Variants in TAFA5 observed in about 807,000 individuals in gnomAD.
TAFA5 encodes the protein chemokine-like protein TAFA-5.
TAFA5 carries 6 observed loss-of-function variants against 15.3 expected under a neutral mutation model. The observed-to-expected ratio is 0.39, with a 90% CI of 0.21 to 0.77. The LOEUF (loss-of-function observed/expected upper bound fraction) is 0.77. Ranked by LOEUF, TAFA5 falls within the 30% of genes least tolerant of loss-of-function variation. The pLI is 0.41. For missense variants in TAFA5, 161 were observed against 193.1 expected (o/e 0.83, Z 0.98); for synonymous variants, 103 against 80.7 (o/e 1.28, Z -1.48).
intron 3 of TAFA5, among the ~76,000 whole-genome samples, chr22:48,723,615 TC>T: frequency 6.6e-6 from 1 of 152,202 alleles, no homozygotes; most frequent in Non-Finnish European, 1.5e-5. Context: ...GATCCCACCA[TC>T]CTCCCCCTGC....
intron 1 of TAFA5, among the ~76,000 whole-genome samples, chr22:48,582,166 C>T (rs553878326): frequency 2.6e-5 from 4 of 152,142 alleles, no homozygotes; most frequent in Admixed American, 2.6e-4. Flanking sequence ...CAGAGACACG[C>T]ACTGCGGTGC....
chr22:48,719,481 A>G (rs1929503863), intron 3 of TAFA5, among the ~76,000 whole-genome samples: 1 of 152,224 alleles, frequency 6.6e-6, no homozygotes, highest in African/African-American at 2.4e-5. Context: ...ACTGCCCAGA[A>G]GGATCGTGAA....
intron 2 of TAFA5, among the ~76,000 whole-genome samples, chr22:48,706,002 G>A (rs1373766437): frequency 6.6e-6 from 1 of 152,268 alleles, no homozygotes; most frequent in Non-Finnish European, 1.5e-5. Context: ...GAAGCCAAGG[G>A]CTCTGGAGCT....
At chr22:48,646,783 G>A (rs781411737) in intron 2 of TAFA5, 37 bp downstream of exon 2, 277 of 1,533,576 alleles carry the variant, frequency 1.8e-4, no homozygotes, top group Middle Eastern at 1.9e-4. Flanking sequence ...TCCGGGTGCT[G>A]AGCGCGGCGT....
chr22:48,683,459 G>A (rs1428327346), intron 2 of TAFA5, among the ~76,000 whole-genome samples: 3 of 152,166 alleles, frequency 2.0e-5, no homozygotes, highest in African/African-American at 7.2e-5. Flanking sequence ...GGTGCTGTTT[G>A]CACCCTTCTC....
intron 1 of TAFA5, among the ~76,000 whole-genome samples, chr22:48,536,621 A>C (rs764882533): frequency 2.6e-5 from 4 of 152,352 alleles, no homozygotes; most frequent in Middle Eastern, 3.4e-3. Flanking sequence ...CCGCCTGAAG[A>C]ATTTTTAACT....
intron 2 of TAFA5, among the ~76,000 whole-genome samples, chr22:48,675,235 A>G (rs1160540981): frequency 2.0e-5 from 3 of 152,220 alleles, no homozygotes; most frequent in Admixed American, 6.5e-5. Context: ...AAGTTTGCCA[A>G]TGACCTGCCA....
rs1380342602 is a variant in TAFA5 at position 48,598,508 on chromosome 22, G to A, written c.113-48089G>A. Among the ~76,000 whole-genome samples the A allele has an allele frequency of 6.6e-6, 1 of 152,070 alleles. No individual in the cohort carries two copies. Among genetic ancestry groups the A allele is most frequent in the African/African-American group, 2.4e-5 (1 of 41,410 alleles). On this transcript the variant is annotated intron_variant, in intron 1 of 3. Transcript: ENST00000402357. This position sits in a 1 kb window ranked among gnomAD's most constrained non-coding sequence, Gnocchi z 4.0. ...CCTGGTGCCACCTCCTGGGAGAGTG[G>A]CCATTTCGTGGGCCCAGCAGTGGCT... is the stretch of plus-strand genomic sequence containing the variant.
chr22:48,616,618 G>T (rs1416686163), intron 1 of TAFA5, among the ~76,000 whole-genome samples: 4 of 152,234 alleles, frequency 2.6e-5, no homozygotes, highest in Non-Finnish European at 5.9e-5. Context: ...GGAAACCAGG[G>T]AGTGGCCTCG....
chr22:48,569,698 TG>T (rs1923518904), intron 1 of TAFA5, among the ~76,000 whole-genome samples: 1 of 152,198 alleles, frequency 6.6e-6, no homozygotes, highest in Non-Finnish European at 1.5e-5. Context: ...CAAGTGGTCA[TG>T]GAAGTGCATG....
intron 1 of TAFA5, among the ~76,000 whole-genome samples, chr22:48,613,076 T>C (rs1011664412): frequency 1.3e-5 from 2 of 152,206 alleles, no homozygotes; most frequent in Non-Finnish European, 2.9e-5. Flanking sequence ...CTTGGCTCTG[T>C]GGTGCAGCCC....
At chr22:48,748,931 T>C (rs1224404589) in intron 3 of TAFA5, among the ~76,000 whole-genome samples, 1 of 152,054 alleles carries the variant, frequency 6.6e-6, no homozygotes, top group African/African-American at 2.4e-5. Flanking sequence ...CAGGGTCCCA[T>C]GATGAGTTTC....
Position 48,512,659 on chromosome 22 carries a change from G to A in TAFA5, c.112+22955G>A, listed in dbSNP as rs544255410. On this transcript the variant is annotated intron_variant, in intron 1 of 3. Coordinates refer to ENST00000402357, the MANE Select transcript of TAFA5 (RefSeq NM_001082967.3). Reference sequence around the variant, plus strand: ...GAGACGGCCGGGCGCGGTGGCTCATGCCTGTAATCCTAGCACTTTGGGAGG... The same window carrying A: ...GAGACGGCCGGGCGCGGTGGCTCATACCTGTAATCCTAGCACTTTGGGAGG... Among the ~76,000 whole-genome samples the A allele has an allele frequency of 9.8e-4, 149 of 151,742 alleles. 2 individuals carry two copies. Among genetic ancestry groups the A allele is most frequent in the African/African-American group, 3.5e-3 (146 of 41,374 alleles).
intron 2 of TAFA5, among the ~76,000 whole-genome samples, chr22:48,681,490 C>CAA (rs33981971): frequency 0.017 from 2,311 of 134,624 alleles, 52 homozygotes; most frequent in East Asian, 0.07. Flanking sequence ...TAAAAAAATA[C>CAA]AAAAAAAAAA....
chr22:48,616,623 G>A (rs1355359886), intron 1 of TAFA5, among the ~76,000 whole-genome samples: 3 of 151,330 alleles, frequency 2.0e-5, no homozygotes, highest in African/African-American at 7.4e-5. Context: ...CCAGGGAGTG[G>A]CCTCGCTGAG....
chr22:48,607,119 C>T (rs540370444), intron 1 of TAFA5, among the ~76,000 whole-genome samples: 3 of 152,370 alleles, frequency 2.0e-5, no homozygotes, highest in East Asian at 3.9e-4. Flanking sequence ...GGCCCGGTCC[C>T]GTTAGCCTCG....
chr22:48,560,571 TTATTATTATTATTATTATTA>T lies in TAFA5; in HGVS notation c.112+70882_112+70901del, dbSNP rs1312859789. Among the ~76,000 whole-genome samples the T allele has an allele frequency of 9.3e-6, 1 of 108,084 alleles. No individual in the cohort carries two copies. The highest frequency in any genetic ancestry group is 1.9e-5 in the Non-Finnish European group (1 of 53,434). The allele number at this position is 108,084 out of a possible 152,430, so 70.9% of individuals were successfully genotyped here. On this transcript the variant is annotated intron_variant, in intron 1 of 3. Coordinates refer to ENST00000402357, the MANE Select transcript of TAFA5 (RefSeq NM_001082967.3). The surrounding 1 kb of genome is among the most constrained non-coding windows in gnomAD (Gnocchi z 4.2). ...GGGCCATGAAAAACGTTGTATTTTATTATTATTATTATTATTATTATATTATTATTATTAATTATTTATTT... is the reference window on the plus strand; with the variant it reads ...GGGCCATGAAAAACGTTGTATTTTATTATTATTATTATTAATTATTTATTT...
intron 3 of TAFA5, among the ~76,000 whole-genome samples, chr22:48,724,107 G>A (rs1380072437): frequency 6.6e-6 from 1 of 152,140 alleles, no homozygotes; most frequent in Non-Finnish European, 1.5e-5. Flanking sequence ...AGAGACTCAG[G>A]GTTCTCGTTG....
At chr22:48,491,567 T>G (rs963340027) in intron 1 of TAFA5, among the ~76,000 whole-genome samples, 5 of 152,234 alleles carry the variant, frequency 3.3e-5, no homozygotes, top group Middle Eastern at 3.2e-3. Context: ...TGCGAAGTAC[T>G]TGACACCAGG....
Sources: gnomAD v4.1 joint callset for allele counts (sites outside exome capture counted in the v4.1 genomes callset) on GRCh38, gnomAD v4.1.1 for gene constraint, Gnocchi (gnomAD v3.1) non-coding constraint, MANE v1.5 for transcripts, NCBI Gene and HGNC (gene_info 2026-07-23, HGNC 2026-07-21) for gene names.